CHD6: variants seen among roughly 807,000 people sequenced by gnomAD.
CHD6 encodes the protein chromodomain helicase DNA binding protein 6, also known as ATP-dependent chromatin remodeler CHD6.
Under a neutral mutation model 276.9 loss-of-function variants are expected in CHD6, and 50 were observed. That is an observed-to-expected ratio of 0.18 (90% CI 0.14 to 0.23). The LOEUF (loss-of-function observed/expected upper bound fraction) is 0.23, where lower values mean the gene tolerates loss of function less well. Among genes scored for constraint, CHD6 ranks in the 10% least tolerant of loss-of-function variants. CHD6 has a pLI of 1.00. For missense variants in CHD6, 2,564 were observed against 3,365.8 expected (o/e 0.76, Z 5.89); for synonymous variants, 1,173 against 1,229.3 (o/e 0.95, Z 0.96).
chr20:41,602,318 A>G (rs1422096040), intron 1 of CHD6, among the ~76,000 whole-genome samples: 4 of 152,168 alleles, frequency 2.6e-5, no homozygotes, highest in Admixed American at 2.6e-4. Context: ...GGCAAAGAGA[A>G]GAGGGGATGC....
At chr20:41,595,236 A>T (rs1273229779) in intron 1 of CHD6, among the ~76,000 whole-genome samples, 1 of 152,152 alleles carries the variant, frequency 6.6e-6, no homozygotes, top group Non-Finnish European at 1.5e-5. Context: ...AATGTAAGAA[A>T]ATCCATGGGG....
At chr20:41,493,481 A>G in intron 10 of CHD6, 57 bp downstream of exon 10, 1 of 1,563,130 alleles carries the variant, frequency 6.4e-7, no homozygotes, top group Non-Finnish European at 8.7e-7. Flanking sequence ...CCATGATTGC[A>G]AAGTTCATAA....
intron 2 of CHD6, among the ~76,000 whole-genome samples, chr20:41,548,649 C>G (rs1014075888): frequency 1.3e-5 from 2 of 152,210 alleles, no homozygotes; most frequent in African/African-American, 4.8e-5. Context: ...CAAATGGGAT[C>G]TAATTAAACT....
intron 12 of CHD6, 135 bp downstream of exon 12, chr20:41,489,643 G>A: frequency 1.8e-6 from 2 of 1,131,964 alleles, no homozygotes; most frequent in Non-Finnish European, 2.6e-6. Context: ...GCAGGAGTCA[G>A]CCTTGACAAA....
intron 1 of CHD6, among the ~76,000 whole-genome samples, chr20:41,577,091 A>G (rs1032181248): frequency 2.6e-5 from 4 of 152,268 alleles, no homozygotes; most frequent in African/African-American, 9.6e-5. Flanking sequence ...TTGTTAAAAT[A>G]TAAGATACAT....
chr20:41,472,391 T>C (rs908256201), intron 17 of CHD6, among the ~76,000 whole-genome samples: 1 of 152,140 alleles, frequency 6.6e-6, no homozygotes, highest in Non-Finnish European at 1.5e-5. Flanking sequence ...TTGAATCCTG[T>C]CAAACAGCAG....
rs760974451 is a variant in CHD6 at position 41,421,971 on chromosome 20, C to A, written c.4664G>T (p.Cys1555Phe). Residue 1555 changes from cysteine to phenylalanine, a missense_variant, in exon 31 of 37, where the codon TGC becomes TTC. By Grantham distance (205) the Cys-to-Phe change is radical. Transcript: ENST00000373233. Reference protein sequence around the residue: ...LRKVREQVLKCPQLHERLQLC... With the variant: ...LRKVREQVLKFPQLHERLQLC... ...CTGGAGGCGTTCATGCAGCTGAGGG[C>A]ACTTGAGCACTTGCTCTCGGACTTT... The A allele has an allele frequency of 6.2e-7, 1 of 1,614,204 alleles. No individual in the cohort carries two copies. The highest frequency in any genetic ancestry group is 2.2e-5 in the East Asian group (1 of 44,888).
At chr20:41,450,738 T>G (rs2048213320) in intron 23 of CHD6, among the ~76,000 whole-genome samples, 1 of 152,224 alleles carries the variant, frequency 6.6e-6, no homozygotes, top group Non-Finnish European at 1.5e-5. Context: ...GGCCAGGTTC[T>G]GCGGGAGAGC....
Position 41,606,013 on chromosome 20 carries a change from T to C in CHD6, c.-24+12327A>G, listed in dbSNP as rs113064922. Among the ~76,000 whole-genome samples the C allele has an allele frequency of 9.2e-5, 14 of 152,296 alleles. 3 individuals are homozygous for C. Among genetic ancestry groups the C allele is most frequent in the African/African-American group, 3.4e-4 (14 of 41,574 alleles). On this transcript the variant is annotated intron_variant, in intron 1 of 36. Coordinates refer to ENST00000373233, the MANE Select transcript of CHD6 (RefSeq NM_032221.5). ...AATTTTGTAGGAAAAGACAAACATTTAGAACACTGAAGGAAAAGAATAATG... is the reference window on the plus strand; with the variant it reads ...AATTTTGTAGGAAAAGACAAACATTCAGAACACTGAAGGAAAAGAATAATG...
intron 8 of CHD6, chr20:41,497,086 G>A: frequency 3.6e-6 from 1 of 278,936 alleles, no homozygotes; most frequent in Non-Finnish European, 7.0e-6. Flanking sequence ...AGTGGGTTGA[G>A]GGAGCAGGGA....
intron 1 of CHD6, among the ~76,000 whole-genome samples, chr20:41,615,302 A>C (rs552628609): frequency 3.9e-5 from 6 of 151,966 alleles, no homozygotes; most frequent in Non-Finnish European, 8.8e-5. Flanking sequence ...GTATTCAATC[A>C]ATGCTAGTTC....
At chr20:41,471,092 G>T (rs922879614) in intron 17 of CHD6, among the ~76,000 whole-genome samples, 2 of 152,220 alleles carry the variant, frequency 1.3e-5, no homozygotes, top group African/African-American at 4.8e-5. Flanking sequence ...TCTGAAAAGG[G>T]CCTGATAGTA....
At chr20:41,520,064 GAA>G (rs1473300281) in intron 3 of CHD6, among the ~76,000 whole-genome samples, 1 of 152,138 alleles carries the variant, frequency 6.6e-6, no homozygotes, top group African/African-American at 2.4e-5. Context: ...AAAGACACAT[GAA>G]AAAATGCTCA....
rs754347058 is a variant in CHD6, at chr20:41,451,068, C to T, written c.3561G>A (p.Lys1187=). The part of the protein sequence containing the change: ...SAPVPRGRKG[K]KTKNQLLIPE... Reference sequence around the variant, plus strand: ...GGATTAGCAACTGGTTCTTCGTCTTCTTCCCCTTCCTCCCTCTGGGGACTG... The same window carrying T: ...GGATTAGCAACTGGTTCTTCGTCTTTTTCCCCTTCCTCCCTCTGGGGACTG... The change falls in exon 23 of 37, where the codon AAG becomes AAA. Residue 1187 remains lysine (K), a synonymous_variant. Transcript: ENST00000373233. 62 of 1,613,944 alleles carry T rather than the reference C, an allele frequency of 3.8e-5. No individual in the cohort carries two copies. Among genetic ancestry groups the T allele is most frequent in the Non-Finnish European group, 5.1e-5 (60 of 1,179,920 alleles).
intron 32 of CHD6, 64 bp downstream of exon 32, chr20:41,417,134 A>G: frequency 6.8e-7 from 1 of 1,472,668 alleles, no homozygotes; most frequent in Non-Finnish European, 9.2e-7. Context: ...AAAAGGGTTA[A>G]AAAAAGCAAT....
Position 41,413,345 on chromosome 20 carries a change from T to C in CHD6, c.7110A>G (p.Leu2370=). 1 of 1,609,376 alleles carries C rather than the reference T, an allele frequency of 6.2e-7. No individual in the cohort carries two copies. Among genetic ancestry groups the C allele is most frequent in the South Asian group, 1.1e-5 (1 of 90,362 alleles). Residue 2370 remains leucine (L), a synonymous_variant, in exon 35 of 37, where the codon TTA becomes TTG. Transcript: ENST00000373233. ...TTACTGCCCCAAAGCCAGGAACTTC[T>C]AAGGAGTAGTCAGCCTGCTGCCTTA... ...DWLRQQADYS[L]EVPGFGANFS...
intron 27 of CHD6, among the ~76,000 whole-genome samples, chr20:41,435,806 T>C (rs1031336457): frequency 6.6e-6 from 1 of 152,032 alleles, no homozygotes; most frequent in Non-Finnish European, 1.5e-5. Flanking sequence ...GCAAAAACAA[T>C]TTTGAAAAAG....
intron 3 of CHD6, among the ~76,000 whole-genome samples, chr20:41,528,819 T>A (rs2044609163): frequency 1.3e-5 from 2 of 152,218 alleles, no homozygotes; most frequent in Non-Finnish European, 2.9e-5. Flanking sequence ...ACTCTACCTA[T>A]CACCTGTTTA....
At chr20:41,549,506 G>T (rs1415271774) in intron 2 of CHD6, among the ~76,000 whole-genome samples, 12 of 91,872 alleles carry the variant, frequency 1.3e-4, no homozygotes, top group African/African-American at 5.2e-4. Flanking sequence ...GGTGGGGGGA[G>T]GGGGGAGGGA....
Sources: gnomAD v4.1 joint callset for allele counts (sites outside exome capture counted in the v4.1 genomes callset) on GRCh38, gnomAD v4.1.1 for gene constraint, MANE v1.5 for transcripts, NCBI Gene and HGNC (gene_info 2026-07-23, HGNC 2026-07-21) for gene names.